Variants in TTC3 observed in about 807,000 individuals in gnomAD.
TTC3 encodes the protein tetratricopeptide repeat domain 3.
In TTC3, 180 loss-of-function variants were observed where a neutral mutation model predicts 249.6. That is an observed-to-expected ratio of 0.72 (90% CI 0.64 to 0.82). The LOEUF is 0.82. Ranked by LOEUF, TTC3 falls within the 40% of genes least tolerant of loss-of-function variation. The pLI is 0.00. For synonymous variants in TTC3, 717 were observed against 805.0 expected (o/e 0.89, Z 1.85); for missense variants, 2,061 against 2,398.4 (o/e 0.86, Z 2.94).
intron 1 of TTC3, among the ~76,000 whole-genome samples, chr21:37,076,236 T>G (rs897477773): frequency 2.0e-5 from 3 of 152,252 alleles, no homozygotes; most frequent in Non-Finnish European, 4.4e-5. Context: ...GATGTTATGT[T>G]TCTGAGTTAC....
intron 19 of TTC3, among the ~76,000 whole-genome samples, chr21:37,140,246 A>G (rs1332158946): frequency 6.6e-6 from 1 of 152,168 alleles, no homozygotes; most frequent in Non-Finnish European, 1.5e-5. Flanking sequence ...TAAAAAACAA[A>G]AACAAAAACA....
rs60916518 is a variant in TTC3 at position 37,124,112 on chromosome 21, CTTTTTTTTTT to C, written c.1110-493_1110-484del. On this transcript the variant is annotated intron_variant, in intron 13 of 45. Transcript: ENST00000355666. Reference sequence around the variant, plus strand: ...GCAGAATACTTCTTTTTGAACTGTTCTTTTTTTTTTTTTTTTTTTTTTTGAGACAGTCTCC... The same window carrying C: ...GCAGAATACTTCTTTTTGAACTGTTCTTTTTTTTTTTTTGAGACAGTCTCC... 5.1e-4 allele frequency among the ~76,000 whole-genome samples: 31 copies of C among 61,282 alleles called. 1 individual carries two copies. The highest frequency in any genetic ancestry group is 3.1e-3 in the Admixed American group (10 of 3,202). The allele number at this position is 61,282 out of a possible 152,430, so 40.2% of individuals were successfully genotyped here. A position where few individuals can be genotyped will look rare whatever the true frequency, so the allele number is the denominator to read the frequency against.
At position 37,197,559 on chromosome 21, in the gene TTC3, C is replaced by T; in HGVS notation, c.5580-11C>T. 2 of 1,611,788 alleles carry T rather than the reference C, an allele frequency of 1.2e-6. No homozygotes were observed. Among genetic ancestry groups the T allele is most frequent in the Non-Finnish European group, 1.7e-6 (2 of 1,179,830 alleles). On this transcript the variant is annotated splice_polypyrimidine_tract_variant and intron_variant, in intron 42 of 45. Transcript: ENST00000355666. Reference sequence around the variant, plus strand: ...TTTCTGTTGTCATTCATCACTCACTCTCCCTTTCAGCACTGAGCTTGCTGG... The same window carrying T: ...TTTCTGTTGTCATTCATCACTCACTTTCCCTTTCAGCACTGAGCTTGCTGG...
intron 28 of TTC3, chr21:37,157,276 C>A: frequency 9.7e-7 from 1 of 1,032,698 alleles, no homozygotes; most frequent in Non-Finnish European, 1.3e-6. Flanking sequence ...GTGATGTTTG[C>A]AGAATCTAGA....
At chr21:37,197,387 CA>C (rs34686832) in intron 42 of TTC3, among the ~76,000 whole-genome samples, 182 bp from the exon 43 acceptor site, 1,875 of 124,006 alleles carry the variant, frequency 0.015, 21 homozygotes, top group African/African-American at 0.043. Flanking sequence ...GACACTGTCT[CA>C]AAAAAAAAAA....
exon 33 of TTC3, chr21:37,165,816 T>G: frequency 6.2e-7 from 1 of 1,614,176 alleles, no homozygotes; most frequent in Non-Finnish European, 8.5e-7. Context: ...GGGGAGTATG[T>G]ACGAGTTAAA....
intron 35 of TTC3, among the ~76,000 whole-genome samples, chr21:37,173,962 A>G (rs1233123621): frequency 6.6e-6 from 1 of 152,232 alleles, no homozygotes; most frequent in Non-Finnish European, 1.5e-5. Flanking sequence ...TATAAACTTT[A>G]TATTGCCTCA....
chr21:37,122,650 G>T (rs2076717212), intron 12 of TTC3, among the ~76,000 whole-genome samples: 1 of 151,704 alleles, frequency 6.6e-6, no homozygotes, highest in South Asian at 2.1e-4. Flanking sequence ...AGCTCTGTTT[G>T]ACCGGCAGAT....
intron 10 of TTC3, among the ~76,000 whole-genome samples, chr21:37,101,595 C>G (rs150171717): frequency 5.9e-5 from 9 of 152,286 alleles, no homozygotes; most frequent in South Asian, 2.1e-4. Context: ...TCCTCTGATT[C>G]ATCTCTTCAG....
At chr21:37,198,916 T>C (rs778123415) in intron 44 of TTC3, among the ~76,000 whole-genome samples, 24 of 152,206 alleles carry the variant, frequency 1.6e-4, no homozygotes, top group Non-Finnish European at 2.6e-4. Flanking sequence ...CCATCTTTTC[T>C]AGGAAATAGA....
At chr21:37,131,528 A>G (rs556977300) in intron 16 of TTC3, among the ~76,000 whole-genome samples, 142 of 152,170 alleles carry the variant, frequency 9.3e-4, no homozygotes, top group African/African-American at 3.3e-3. Flanking sequence ...TTTGAGTTGT[A>G]TCCTTTATAA....
intron 16 of TTC3, among the ~76,000 whole-genome samples, chr21:37,129,277 A>G (rs2077282469): frequency 1.3e-5 from 2 of 152,216 alleles, no homozygotes; most frequent in South Asian, 2.1e-4. Flanking sequence ...GACTTCTGAA[A>G]GTCACATAAT....
Position 37,123,067 on chromosome 21 carries a change from A to G in TTC3, c.1109+39A>G, listed in dbSNP as rs774073518. ...AGGTCAGTAGCTGCTACTACTAGGA[A>G]TGGCTTTGCTGCATGAATTTAAGAA... is the stretch of plus-strand genomic sequence containing the variant. On this transcript the variant is annotated intron_variant, in intron 13 of 45. Transcript: ENST00000355666. The G allele has an allele frequency of 1.9e-6, 3 of 1,598,056 alleles. No individual in the cohort carries two copies. The Admixed American group carries it at 5.0e-5, about 27-fold the overall frequency.
intron 19 of TTC3, 94 bp from the exon 20 acceptor site, chr21:37,140,467 T>C (rs1332660001): frequency 5.8e-6 from 5 of 858,438 alleles, no homozygotes; most frequent in Non-Finnish European, 8.5e-6. Flanking sequence ...GCAGTTGTTA[T>C]TTTAATATTA....
intron 20 of TTC3, among the ~76,000 whole-genome samples, chr21:37,143,995 A>G (rs1025499749): frequency 1.3e-5 from 2 of 151,656 alleles, no homozygotes; most frequent in African/African-American, 4.9e-5. Context: ...TTGCAGGGAC[A>G]AAAAACCAAA....
chr21:37,140,848 G>A (rs925311779), intron 20 of TTC3, among the ~76,000 whole-genome samples, 175 bp downstream of exon 20: 6 of 152,060 alleles, frequency 3.9e-5, no homozygotes, highest in Non-Finnish European at 8.8e-5. Context: ...TTAAAGCAAG[G>A]CCAGTCATTG....
At chr21:37,138,128 C>G (rs1269887031) in intron 18 of TTC3, among the ~76,000 whole-genome samples, 1 of 152,188 alleles carries the variant, frequency 6.6e-6, no homozygotes, top group Non-Finnish European at 1.5e-5. Context: ...AAGGTGTGTA[C>G]ATTGTTTAAT....
chr21:37,088,201 G>C, exon 4 of TTC3: 1 of 1,556,392 alleles, frequency 6.4e-7, no homozygotes, highest in Non-Finnish European at 8.7e-7. Flanking sequence ...TTAAGAATTT[G>C]ACATCTGCAG....
chr21:37,142,996 A>G (rs1040718524), intron 20 of TTC3, among the ~76,000 whole-genome samples: 4 of 152,216 alleles, frequency 2.6e-5, no homozygotes, highest in African/African-American at 9.7e-5. Flanking sequence ...GAAATAGGCA[A>G]AGGATTCACT....
Sources: gnomAD v4.1 joint callset for allele counts (sites outside exome capture counted in the v4.1 genomes callset) on GRCh38, gnomAD v4.1.1 for gene constraint, MANE v1.5 for transcripts, NCBI Gene and HGNC (gene_info 2026-07-23, HGNC 2026-07-21) for gene names.